The following CACNA1C variants were observed in gnomAD, a reference collection of about 807,000 sequenced individuals.
The protein encoded by CACNA1C is calcium voltage-gated channel subunit alpha1 C, also known as voltage-dependent L-type calcium channel subunit alpha-1C.
In CACNA1C, 30 loss-of-function variants were observed where a neutral mutation model predicts 229.0. The observed-to-expected ratio is 0.13, with a 90% CI of 0.10 to 0.18. The LOEUF is 0.18. Ranked by LOEUF, CACNA1C falls within the 10% of genes least tolerant of loss-of-function variation. The probability of loss-of-function intolerance (pLI) is 1.00; values close to 1 mark genes in which losing one functional copy is unlikely to be tolerated. For synonymous variants in CACNA1C, 1,114 were observed against 1,132.5 expected, an observed-to-expected ratio of 0.98 and a Z score of 0.33; for missense variants, 1,658 against 2,845.0, an observed-to-expected ratio of 0.58 and a Z score of 9.49.
intron 3 of CACNA1C, among the ~76,000 whole-genome samples, chr12:2,439,852 G>C (rs4765679): frequency 0.25 from 38,515 of 152,002 alleles, 4,958 homozygotes; most frequent in South Asian, 0.27. Flanking sequence ...TAGGCTATTA[G>C]TGGTTTTCCC....
chr12:2,572,432 T>C (rs2055652771), intron 13 of CACNA1C, among the ~76,000 whole-genome samples: 1 of 11,550 alleles, frequency 8.7e-5, no homozygotes, highest in Non-Finnish European at 1.7e-4. Context: ...CTCCTCTTCC[T>C]CTTCCTGCTC....
In CACNA1C at chr12:2,451,915, T is replaced by C. The variant is rs75465656; in HGVS notation, c.617+2800T>C. On this transcript the variant is annotated intron_variant, in intron 4 of 46. Coordinates refer to ENST00000399655, the MANE Select transcript of CACNA1C (RefSeq NM_000719.7). The stretch of plus-strand genomic sequence containing the variant: ...ACCTAGTCTCTCTTCTCCTAAGGGC[T>C]CTTCATCCTGTCTAAATCAGCCCAT... 4.4e-3 allele frequency among the ~76,000 whole-genome samples: 667 copies of C among 152,328 alleles called. 1 individual carries two copies. Among genetic ancestry groups the C allele is most frequent in the Non-Finnish European group, 7.2e-3 (488 of 68,024 alleles).
At chr12:2,356,464 G>A (rs1158591999) in intron 3 of CACNA1C, among the ~76,000 whole-genome samples, 4 of 152,250 alleles carry the variant, frequency 2.6e-5, no homozygotes, top group Non-Finnish European at 5.9e-5. Flanking sequence ...CCACAGAGAA[G>A]ATGCTCCCAT....
intron 3 of CACNA1C, among the ~76,000 whole-genome samples, chr12:2,364,397 G>T (rs1171946565): frequency 6.6e-6 from 1 of 152,152 alleles, no homozygotes; most frequent in African/African-American, 2.4e-5. Context: ...GCTGGGAGTG[G>T]ACCAGACATC....
intron 3 of CACNA1C, among the ~76,000 whole-genome samples, chr12:2,194,309 T>TGCCTCCTCCCGTTCCTCCTCC (rs1312144637): frequency 2.0e-5 from 3 of 147,468 alleles, no homozygotes; most frequent in Non-Finnish European, 4.5e-5. Flanking sequence ...ACACCTCCTC[T>TGCCTCCTCCCGTTCCTCCTCC]GCCTCCTCCC....
rs2096035024 is a variant in CACNA1C at position 2,665,448 on chromosome 12, G to C, written c.4399-133G>C. ...ATGTCCAAGAGACCCAGGTTCTCAG[G>C]CTGGTAGGATGGATGACTGGTCTTT... On this transcript the variant is annotated intron_variant, in intron 35 of 46. Transcript: ENST00000399655. This position sits in a 1 kb window ranked among gnomAD's most constrained non-coding sequence, Gnocchi z 5.9. 1 of 943,920 alleles carries C rather than the reference G, an allele frequency of 1.1e-6. No homozygotes were observed. The allele number at this position is 943,920 out of a possible 1,614,324, so 58.5% of individuals were successfully genotyped here. A position where few individuals can be genotyped will look rare whatever the true frequency, so the allele number is the denominator to read the frequency against.
intron 4 of CACNA1C, 80 bp from the exon 5 acceptor site, chr12:2,457,487 G>T (rs2099441575): frequency 6.8e-7 from 1 of 1,480,902 alleles, no homozygotes; most frequent in African/African-American, 1.4e-5. Context: ...GCTTTTCCGG[G>T]CTGTATCCAG....
intron 1 of CACNA1C, among the ~76,000 whole-genome samples, chr12:2,060,551 C>T (rs983895153): frequency 3.3e-5 from 5 of 152,210 alleles, no homozygotes; most frequent in African/African-American, 1.2e-4. Context: ...TCTTTCAAGT[C>T]ATCTCTGAGA....
At chr12:2,243,816 G>GC (rs762444092) in intron 3 of CACNA1C, among the ~76,000 whole-genome samples, 7 of 152,312 alleles carry the variant, frequency 4.6e-5, no homozygotes, top group South Asian at 2.1e-4. Flanking sequence ...ATTCCTCGCT[G>GC]CAATTGTCAG....
chr12:2,127,241 A>C (rs561828865), intron 3 of CACNA1C, among the ~76,000 whole-genome samples: 1 of 152,196 alleles, frequency 6.6e-6, no homozygotes, highest in East Asian at 1.9e-4. Flanking sequence ...CTGCACTTGG[A>C]CCACCACCGC....
At chr12:2,374,089 C>T (rs1049671169) in intron 3 of CACNA1C, among the ~76,000 whole-genome samples, 1 of 152,206 alleles carries the variant, frequency 6.6e-6, no homozygotes, top group African/African-American at 2.4e-5. Flanking sequence ...GTGCTAGAAC[C>T]CAGCACCCTC....
rs2096887558 is a variant in CACNA1C at position 2,677,571 on chromosome 12, C to T, written c.4957-162C>T. The T allele has an allele frequency of 1.8e-5, 14 of 785,800 alleles. No individual in the cohort carries two copies. The South Asian group carries it at 2.1e-4, about 12-fold the overall frequency. The allele number at this position is 785,800 out of a possible 1,614,324, so 48.7% of individuals were successfully genotyped here. ...GTGGATTGTTCCATCAGAGGGCAGC[C>T]CAGCCCCCAGTTCACACACACACAA... On this transcript the variant is annotated intron_variant, in intron 40 of 46. Transcript: ENST00000399655. This position sits in a 1 kb window ranked among gnomAD's most constrained non-coding sequence, Gnocchi z 7.4.
At chr12:2,495,362 G>A (rs1212617289) in intron 7 of CACNA1C, among the ~76,000 whole-genome samples, 1 of 152,214 alleles carries the variant, frequency 6.6e-6, no homozygotes, top group South Asian at 2.1e-4. Context: ...GTGTGGGACT[G>A]TGCTTTGGGG....
intron 3 of CACNA1C, among the ~76,000 whole-genome samples, chr12:2,269,522 C>T (rs954588852): frequency 2.6e-5 from 4 of 152,134 alleles, no homozygotes; most frequent in Admixed American, 1.3e-4. Flanking sequence ...ATTTGAAAAA[C>T]GAGAATGGTG....
At chr12:2,299,346 A>G (rs2094369559) in intron 3 of CACNA1C, among the ~76,000 whole-genome samples, 1 of 152,134 alleles carries the variant, frequency 6.6e-6, no homozygotes, top group Non-Finnish European at 1.5e-5. Flanking sequence ...CCACCGGGCT[A>G]AACTAAAAAC....
At chr12:2,667,286 G>A (rs977854109) in intron 37 of CACNA1C, among the ~76,000 whole-genome samples, 2 of 151,434 alleles carry the variant, frequency 1.3e-5, no homozygotes, top group African/African-American at 4.9e-5. Flanking sequence ...GCCACTCCAC[G>A]CTCCTTTTCT....
chr12:2,195,077 A>G (rs1295112436), intron 3 of CACNA1C, among the ~76,000 whole-genome samples: 3 of 151,908 alleles, frequency 2.0e-5, no homozygotes, highest in Admixed American at 6.6e-5. Flanking sequence ...GAAAGAAGAG[A>G]TGTGTGTGTG....
chr12:2,341,725 C>A (rs766977758), intron 3 of CACNA1C, among the ~76,000 whole-genome samples: 6 of 152,226 alleles, frequency 3.9e-5, no homozygotes, highest in Non-Finnish European at 7.3e-5. Context: ...TCAAATAAGT[C>A]TGGAACTAGT....
intron 1 of CACNA1C, among the ~76,000 whole-genome samples, chr12:2,002,955 T>C (rs1034226852): frequency 6.6e-6 from 1 of 152,000 alleles, no homozygotes; most frequent in Non-Finnish European, 1.5e-5. Context: ...CCCTGGAAAC[T>C]AGGGGGAAAT....
Sources: allele counts gnomAD v4.1 joint callset (sites outside exome capture counted in the v4.1 genomes callset), GRCh38; gene constraint gnomAD v4.1.1; non-coding constraint Gnocchi (gnomAD v3.1); transcripts MANE v1.5; gene names NCBI Gene and HGNC (gene_info 2026-07-23, HGNC 2026-07-21).